The following TMPRSS15 variants were observed in gnomAD, a reference collection of about 807,000 sequenced individuals.
TMPRSS15 encodes transmembrane serine protease 15, also known as enteropeptidase.
In TMPRSS15, 128 loss-of-function variants were observed where a neutral mutation model predicts 125.3. The observed-to-expected ratio is 1.02, with a 90% CI of 0.89 to 1.18. The LOEUF is 1.18. Ranked by LOEUF, TMPRSS15 falls within the 50% of genes most tolerant of loss-of-function variation. TMPRSS15 has a pLI of 0.00. For missense variants in TMPRSS15, 1,283 were observed against 1,212.7 expected (o/e 1.06, Z -0.86); for synonymous variants, 446 against 423.2 (o/e 1.05, Z -0.66).
At chr21:18,418,653 A>G (rs1354105086) in intron 1 of TMPRSS15, among the ~76,000 whole-genome samples, 1 of 152,186 alleles carries the variant, frequency 6.6e-6, no homozygotes, top group Non-Finnish European at 1.5e-5. Context: ...TCTATAATCT[A>G]TTAACTATTA....
At chr21:18,288,667 A>T (rs10222198) in intron 21 of TMPRSS15, among the ~76,000 whole-genome samples, 122,423 of 150,940 alleles carry the variant, frequency 0.81, 49,860 homozygotes, top group African/African-American at 0.84. Flanking sequence ...CAGCCTCCCG[A>T]GTAGCTGGGA....
intron 13 of TMPRSS15, among the ~76,000 whole-genome samples, chr21:18,338,223 T>C (rs377597009): frequency 4.6e-5 from 7 of 152,252 alleles, no homozygotes; most frequent in Admixed American, 6.5e-5. Context: ...TTTTAGGTAA[T>C]GGTGAGATGG....
intron 23 of TMPRSS15, 40 bp downstream of exon 23, chr21:18,278,924 G>GTT (rs59972471): frequency 0.037 from 16,120 of 435,736 alleles, 555 homozygotes; most frequent in South Asian, 0.061. Flanking sequence ...CACCAGTAAG[G>GTT]TTTTTTTTTT....
chr21:18,443,205 A>C (rs567670559), intron 1 of TMPRSS15, among the ~76,000 whole-genome samples: 1 of 152,336 alleles, frequency 6.6e-6, no homozygotes, highest in Admixed American at 6.5e-5. Flanking sequence ...AGATGGCAGG[A>C]TAGAAGCAGC....
Position 18,326,527 on chromosome 21 carries a change from G to A in TMPRSS15, c.1826C>T (p.Thr609Ile). 2 of 1,614,120 alleles carry A rather than the reference G, an allele frequency of 1.2e-6. No homozygotes were observed. The highest frequency in any genetic ancestry group is 2.2e-5 in the South Asian group (2 of 91,082). ...GATGAGAAGCACAGTCATTCTGTTGGTGGTAGAGAACACATCCTTTACTGG... is the reference window on the plus strand; with the variant it reads ...GATGAGAAGCACAGTCATTCTGTTGATGGTAGAGAACACATCCTTTACTGG... ...PGPVKDVFSTTNRMTVLLITN... is the reference protein window; with the variant it reads ...PGPVKDVFSTINRMTVLLITN... The change falls in exon 16 of 25, where the codon ACC (threonine) becomes ATC (isoleucine). Residue 609 changes from threonine to isoleucine, a missense_variant. Coordinates refer to ENST00000284885, the MANE Select transcript of TMPRSS15 (RefSeq NM_002772.3).
chr21:18,470,016 A>G (rs1041587384), intron 1 of TMPRSS15, among the ~76,000 whole-genome samples: 7 of 151,958 alleles, frequency 4.6e-5, no homozygotes, highest in African/African-American at 1.7e-4. Context: ...TTGCATTGTT[A>G]TTTACTTGGG....
intron 16 of TMPRSS15, among the ~76,000 whole-genome samples, chr21:18,318,440 C>T (rs888430329): frequency 6.6e-6 from 1 of 152,132 alleles, no homozygotes; most frequent in Non-Finnish European, 1.5e-5. Flanking sequence ...ATAAAAACTT[C>T]CTATCTTCCA....
chr21:18,456,010 A>C (rs939984110), intron 1 of TMPRSS15, among the ~76,000 whole-genome samples: 1 of 152,208 alleles, frequency 6.6e-6, no homozygotes, highest in East Asian at 1.9e-4. Context: ...GATTTAAAGT[A>C]AAATAAATTC....
intron 4 of TMPRSS15, among the ~76,000 whole-genome samples, chr21:18,380,348 C>T (rs1190962045): frequency 6.6e-6 from 1 of 151,858 alleles, no homozygotes; most frequent in Non-Finnish European, 1.5e-5. Flanking sequence ...ATATCCTTGG[C>T]ATAAGTGATG....
intron 14 of TMPRSS15, among the ~76,000 whole-genome samples, chr21:18,330,929 G>A (rs899415579): frequency 6.6e-6 from 1 of 151,416 alleles, no homozygotes; most frequent in Admixed American, 6.6e-5. Flanking sequence ...AAAAATTAGC[G>A]GGGCCTGGTG....
chr21:18,420,412 C>A (rs1296987080), intron 1 of TMPRSS15, among the ~76,000 whole-genome samples: 1 of 148,152 alleles, frequency 6.7e-6, no homozygotes, highest in Non-Finnish European at 1.5e-5. Context: ...TTTTCTATTT[C>A]TATGTGGCTA....
At chr21:18,474,389 C>T (rs1322553982) in intron 1 of TMPRSS15, among the ~76,000 whole-genome samples, 1 of 151,736 alleles carries the variant, frequency 6.6e-6, no homozygotes, top group African/African-American at 2.4e-5. Flanking sequence ...CTCTTGGGTT[C>T]AAGTGATTCT....
intron 1 of TMPRSS15, among the ~76,000 whole-genome samples, chr21:18,452,999 C>A (rs1048880413): frequency 6.6e-6 from 1 of 152,178 alleles, no homozygotes; most frequent in African/African-American, 2.4e-5. Flanking sequence ...GTGCACAATA[C>A]TGCATTTTAA....
chr21:18,481,784 G>C (rs150247564), intron 1 of TMPRSS15, among the ~76,000 whole-genome samples: 1 of 151,318 alleles, frequency 6.6e-6, no homozygotes. Flanking sequence ...TAATAGGTAG[G>C]TAATACATTA....
chr21:18,450,720 A>G (rs571416404), intron 1 of TMPRSS15, among the ~76,000 whole-genome samples: 27 of 152,312 alleles, frequency 1.8e-4, no homozygotes, highest in Admixed American at 9.2e-4. Flanking sequence ...AAATGTCAGT[A>G]TTCTTCTGGA....
intron 8 of TMPRSS15, among the ~76,000 whole-genome samples, chr21:18,359,031 G>A (rs974613688): frequency 2.0e-5 from 3 of 151,990 alleles, no homozygotes; most frequent in Non-Finnish European, 4.4e-5. Context: ...AGGAAAACTA[G>A]TTATTCCCTT....
At chr21:18,448,332 A>G (rs984521553) in intron 1 of TMPRSS15, among the ~76,000 whole-genome samples, 1 of 152,186 alleles carries the variant, frequency 6.6e-6, no homozygotes, top group African/African-American at 2.4e-5. Context: ...GTCACTAAGA[A>G]TGCAGACTCT....
intron 24 of TMPRSS15, among the ~76,000 whole-genome samples, chr21:18,271,482 G>A (rs562000267): frequency 2.0e-5 from 3 of 152,222 alleles, no homozygotes; most frequent in East Asian, 1.9e-4. Flanking sequence ...GTTGCCTATC[G>A]GCTGGGTGGT....
chr21:18,286,823 C>T (rs1353425930), intron 21 of TMPRSS15, among the ~76,000 whole-genome samples: 2 of 152,188 alleles, frequency 1.3e-5, no homozygotes, highest in Non-Finnish European at 2.9e-5. Flanking sequence ...GTTCCAGTCT[C>T]GTCACTGCCG....
Sources: gnomAD v4.1 joint callset for allele counts (sites outside exome capture counted in the v4.1 genomes callset) on GRCh38, gnomAD v4.1.1 for gene constraint, MANE v1.5 for transcripts, NCBI Gene and HGNC (gene_info 2026-07-23, HGNC 2026-07-21) for gene names.